Variants in NDST4 observed in about 807,000 individuals in gnomAD.
NDST4 encodes the protein N-heparan sulfate sulfotransferase 4.
In NDST4, 63 loss-of-function variants were observed where a neutral mutation model predicts 100.8. That is an observed-to-expected ratio of 0.62 (90% CI 0.51 to 0.77). NDST4 has a LOEUF of 0.77. Ranked by LOEUF, NDST4 falls within the 30% of genes least tolerant of loss-of-function variation. The pLI is 0.00. For synonymous variants in NDST4, 377 were observed against 361.8 expected (o/e 1.04, Z -0.48); for missense variants, 943 against 1,018.4 (o/e 0.93, Z 1.01).
rs566508374 is a variant in NDST4, at chr4:115,101,425, T to C, written c.-247+12019A>G. On this transcript the variant is annotated intron_variant, in intron 1 of 13. Transcript: ENST00000264363. ...AAGGATAGAAAAAAAACCCTAATAT[T>C]GAGTAAGAACACTAAGGAACAGGGT... Among the ~76,000 whole-genome samples, 46 of 152,118 alleles carry C rather than the reference T, an allele frequency of 3.0e-4. 1 individual carries two copies. Among genetic ancestry groups the C allele is most frequent in the African/African-American group, 1.1e-3 (46 of 41,524 alleles).
chr4:115,051,347 C>T (rs1453482526), intron 2 of NDST4, among the ~76,000 whole-genome samples: 2 of 151,568 alleles, frequency 1.3e-5, no homozygotes, highest in East Asian at 1.9e-4. Context: ...CCACATTTAC[C>T]CTTTTGAAGT....
At chr4:114,891,433 CCCAAA>C (rs2126206348) in intron 6 of NDST4, among the ~76,000 whole-genome samples, 2 of 152,088 alleles carry the variant, frequency 1.3e-5, no homozygotes, top group Admixed American at 1.3e-4. Flanking sequence ...TGGTTTTCTT[CCCAAA>C]CCAACTCCTC....
intron 2 of NDST4, among the ~76,000 whole-genome samples, chr4:115,058,621 A>T (rs771332617): frequency 2.6e-5 from 4 of 152,050 alleles, no homozygotes; most frequent in African/African-American, 9.7e-5. Context: ...AAATTTTAAG[A>T]CATTTAAAAT....
chr4:115,067,419 A>G (rs1191005560), intron 2 of NDST4, among the ~76,000 whole-genome samples: 1 of 152,194 alleles, frequency 6.6e-6, no homozygotes, highest in Non-Finnish European at 1.5e-5. Flanking sequence ...GAAAAGTAAT[A>G]GTTTCATTTA....
intron 2 of NDST4, among the ~76,000 whole-genome samples, chr4:115,023,100 A>G (rs1047635593): frequency 1.3e-5 from 2 of 152,124 alleles, no homozygotes; most frequent in Non-Finnish European, 2.9e-5. Context: ...AAGGGTGGGA[A>G]GGGGGTGAGG....
At chr4:115,081,894 GA>G (rs1470081987) in intron 1 of NDST4, among the ~76,000 whole-genome samples, 6 of 152,092 alleles carry the variant, frequency 3.9e-5, no homozygotes, top group African/African-American at 1.4e-4. Flanking sequence ...TCCATCTGTG[GA>G]AAAACTATTT....
intron 1 of NDST4, among the ~76,000 whole-genome samples, chr4:115,095,866 C>A (rs1000081599): frequency 6.6e-6 from 1 of 152,086 alleles, no homozygotes; most frequent in Admixed American, 6.6e-5. Context: ...TAACAGTAAG[C>A]AATTAATAAT....
At chr4:114,982,104 C>T (rs887042621) in intron 2 of NDST4, among the ~76,000 whole-genome samples, 7 of 152,140 alleles carry the variant, frequency 4.6e-5, no homozygotes, top group African/African-American at 1.4e-4. Flanking sequence ...TATGTGTTTA[C>T]AGCAGTGTAA....
intron 4 of NDST4, among the ~76,000 whole-genome samples, chr4:114,946,958 A>G (rs1289918262): frequency 6.6e-6 from 1 of 152,090 alleles, no homozygotes; most frequent in Non-Finnish European, 1.5e-5. Context: ...GAAGTATGTG[A>G]AAGGTTTTTT....
At chr4:115,103,046 C>T (rs1393985489) in intron 1 of NDST4, among the ~76,000 whole-genome samples, 1 of 151,898 alleles carries the variant, frequency 6.6e-6, no homozygotes, top group African/African-American at 2.4e-5. Context: ...ACAATAAATA[C>T]ATTAATGCTG....
intron 2 of NDST4, among the ~76,000 whole-genome samples, chr4:115,023,961 C>G (rs1202805194): frequency 2.0e-5 from 3 of 146,832 alleles, no homozygotes; most frequent in African/African-American, 8.3e-5. Flanking sequence ...ACCAGCCTAG[C>G]CACGCTCAAG....
At chr4:114,984,141 A>ATTATTTAT (rs1560843749) in intron 2 of NDST4, among the ~76,000 whole-genome samples, 1 of 138,578 alleles carries the variant, frequency 7.2e-6, no homozygotes, top group African/African-American at 2.7e-5. Context: ...ACAAACTAAT[A>ATTATTTAT]CTATTTATTT....
chr4:114,905,134 C>CT (rs570520427), intron 6 of NDST4, among the ~76,000 whole-genome samples: 3,779 of 142,022 alleles, frequency 0.027, 139 homozygotes, highest in African/African-American at 0.082. Context: ...AAAATTCTTC[C>CT]TTTTTTTTTT....
At chr4:115,001,870 A>G (rs1232815285) in intron 2 of NDST4, among the ~76,000 whole-genome samples, 1 of 152,150 alleles carries the variant, frequency 6.6e-6, no homozygotes, top group Non-Finnish European at 1.5e-5. Context: ...AGGTATTATA[A>G]TCATGCCTAA....
chr4:115,073,477 T>C (rs575947564), intron 2 of NDST4, among the ~76,000 whole-genome samples: 4 of 152,092 alleles, frequency 2.6e-5, no homozygotes, highest in East Asian at 3.9e-4. Context: ...TGAAATATCA[T>C]TCAGACATTA....
intron 2 of NDST4, among the ~76,000 whole-genome samples, chr4:115,047,183 GT>G: frequency 6.6e-6 from 1 of 151,928 alleles, no homozygotes; most frequent in Non-Finnish European, 1.5e-5. Context: ...ATTATTATCT[GT>G]TTTCACCTTA....
chr4:114,837,658 C>G (rs562728016), intron 11 of NDST4, among the ~76,000 whole-genome samples: 2 of 152,304 alleles, frequency 1.3e-5, no homozygotes, highest in South Asian at 4.1e-4. Flanking sequence ...CTTCCTTACA[C>G]TTTATACAAA....
chr4:115,092,701 A>G (rs1278930649), intron 1 of NDST4, among the ~76,000 whole-genome samples: 1 of 152,178 alleles, frequency 6.6e-6, no homozygotes, highest in Admixed American at 6.6e-5. Context: ...TAGTGAAACC[A>G]ATAAAGAATA....
chr4:114,899,470 C>T (rs2126209511), intron 6 of NDST4, among the ~76,000 whole-genome samples: 1 of 152,294 alleles, frequency 6.6e-6, no homozygotes, highest in Non-Finnish European at 1.5e-5. Context: ...AGACACCACG[C>T]CCAGCCTAGA....
Sources: gnomAD v4.1 joint callset for allele counts (sites outside exome capture counted in the v4.1 genomes callset) on GRCh38, gnomAD v4.1.1 for gene constraint, MANE v1.5 for transcripts, NCBI Gene and HGNC (gene_info 2026-07-23, HGNC 2026-07-21) for gene names.